DOCK3: variants seen among roughly 807,000 people sequenced by gnomAD.
The protein encoded by DOCK3 is dedicator of cytokinesis 3, also known as dedicator of cytokinesis protein 3.
A neutral mutation model predicts 265.6 loss-of-function variants in DOCK3; 60 were observed. That is an observed-to-expected ratio of 0.23 (90% CI 0.18 to 0.28). The LOEUF is 0.28. DOCK3 is among the 10% of genes least tolerant of loss of function. The pLI, the probability that DOCK3 is intolerant of heterozygous loss-of-function variation, is 1.00. For missense variants in DOCK3, 1,981 were observed against 2,594.3 expected (o/e 0.76, Z 5.14); for synonymous variants, 881 against 938.0 (o/e 0.94, Z 1.11).
At chr3:50,760,786 T>C (rs2040479439) in intron 1 of DOCK3, among the ~76,000 whole-genome samples, 1 of 152,112 alleles carries the variant, frequency 6.6e-6, no homozygotes, top group African/African-American at 2.4e-5. Flanking sequence ...TGGATTCTTT[T>C]TTTTTTTTTC....
chr3:50,924,389 TG>T (rs2050657714), intron 4 of DOCK3, among the ~76,000 whole-genome samples: 1 of 152,262 alleles, frequency 6.6e-6, no homozygotes, highest in Admixed American at 6.5e-5. Context: ...TACAGTCTGT[TG>T]CTCTGGATGA....
chr3:51,117,629 C>T (rs1029196902), intron 9 of DOCK3, among the ~76,000 whole-genome samples: 1 of 152,138 alleles, frequency 6.6e-6, no homozygotes, highest in Non-Finnish European at 1.5e-5. Context: ...TTAATTACTG[C>T]CTCCATTTCA....
intron 6 of DOCK3, among the ~76,000 whole-genome samples, chr3:51,069,734 C>G (rs2081771403): frequency 6.6e-6 from 1 of 152,074 alleles, no homozygotes; most frequent in Non-Finnish European, 1.5e-5. Context: ...TAGTTTATGT[C>G]TCTCATCAAG....
At chr3:50,803,042 T>TTTTATGTA (rs1184908919) in intron 2 of DOCK3, among the ~76,000 whole-genome samples, 2 of 147,080 alleles carry the variant, frequency 1.4e-5, no homozygotes, top group Non-Finnish European at 3.0e-5. Context: ...TTTTTTAAGA[T>TTTTATGTA]TTTATGTATT....
intron 7 of DOCK3, among the ~76,000 whole-genome samples, chr3:51,078,163 A>G (rs768230797): frequency 1.3e-5 from 2 of 152,214 alleles, no homozygotes; most frequent in Non-Finnish European, 2.9e-5. Flanking sequence ...GAAAATGGTG[A>G]TTGCTGTCTG....
chr3:51,217,244 C>T (rs1172997275), intron 14 of DOCK3, among the ~76,000 whole-genome samples: 1 of 151,818 alleles, frequency 6.6e-6, no homozygotes, highest in Non-Finnish European at 1.5e-5. Context: ...GCTCTAGCCA[C>T]ACCAGTAGCT....
chr3:51,144,341 A>C (rs1415131813), intron 9 of DOCK3, among the ~76,000 whole-genome samples: 2 of 152,170 alleles, frequency 1.3e-5, no homozygotes, highest in Non-Finnish European at 1.5e-5. Flanking sequence ...TGCCAGAATC[A>C]CCAGTGATCT....
intron 3 of DOCK3, among the ~76,000 whole-genome samples, chr3:50,883,773 C>T (rs1006855928): frequency 2.0e-5 from 3 of 152,132 alleles, no homozygotes; most frequent in Admixed American, 2.0e-4. Context: ...ATAACGTTTA[C>T]CATGAGTGAC....
At chr3:50,859,676 G>A (rs1468089008) in intron 3 of DOCK3, among the ~76,000 whole-genome samples, 1 of 152,094 alleles carries the variant, frequency 6.6e-6, no homozygotes, top group Admixed American at 6.5e-5. Flanking sequence ...TTGTGTGGGG[G>A]TTTTATTTGA....
intron 1 of DOCK3, among the ~76,000 whole-genome samples, chr3:50,729,396 TTTA>T (rs1425325315): frequency 6.0e-5 from 9 of 150,312 alleles, no homozygotes; most frequent in African/African-American, 2.2e-4. Context: ...ATTTATTTAT[TTTA>T]TTATTATACT....
At chr3:51,193,214 A>T (rs2088057200) in intron 12 of DOCK3, among the ~76,000 whole-genome samples, 1 of 152,164 alleles carries the variant, frequency 6.6e-6, no homozygotes, top group Non-Finnish European at 1.5e-5. Context: ...TTGATGTATC[A>T]TGTTTATTGA....
At chr3:51,041,093 A>AT (rs200535205) in intron 5 of DOCK3, among the ~76,000 whole-genome samples, 2,903 of 138,590 alleles carry the variant, frequency 0.021, 106 homozygotes, top group African/African-American at 0.073. Context: ...TTTCTAGAAG[A>AT]TTTTCAATTT....
At chr3:51,093,483 A>C (rs2082713093) in intron 9 of DOCK3, among the ~76,000 whole-genome samples, 1 of 152,194 alleles carries the variant, frequency 6.6e-6, no homozygotes, top group African/African-American at 2.4e-5. Context: ...CTCTCTGCTC[A>C]TCTATTATTG....
chr3:50,922,560 C>T (rs1328262842), intron 4 of DOCK3, among the ~76,000 whole-genome samples: 1 of 152,188 alleles, frequency 6.6e-6, no homozygotes, highest in Non-Finnish European at 1.5e-5. Context: ...TGACAAGCCC[C>T]AGTGAGATGA....
intron 4 of DOCK3, among the ~76,000 whole-genome samples, chr3:50,900,557 CT>C (rs2049135641): frequency 6.6e-6 from 1 of 152,158 alleles, no homozygotes; most frequent in South Asian, 2.1e-4. Context: ...AAGAGGCATT[CT>C]GATTTTTGGA....
At chr3:51,082,921 G>A (rs962385730) in intron 7 of DOCK3, among the ~76,000 whole-genome samples, 1 of 152,112 alleles carries the variant, frequency 6.6e-6, no homozygotes, top group Non-Finnish European at 1.5e-5. Flanking sequence ...TGTACTAAGG[G>A]ACCTGAGAGG....
At chr3:51,120,837 G>T (rs1302914130) in intron 9 of DOCK3, among the ~76,000 whole-genome samples, 1 of 152,160 alleles carries the variant, frequency 6.6e-6, no homozygotes, top group Non-Finnish European at 1.5e-5. Flanking sequence ...GAGCATCCCA[G>T]GTTGACTTCA....
At chr3:51,169,046 A>G (rs998490656) in intron 12 of DOCK3, among the ~76,000 whole-genome samples, 1 of 152,240 alleles carries the variant, frequency 6.6e-6, no homozygotes, top group Admixed American at 6.5e-5. Flanking sequence ...ATACCATCTC[A>G]CACCAGTCAG....
At chr3:50,924,387 G>A (rs1468029303) in intron 4 of DOCK3, among the ~76,000 whole-genome samples, 1 of 152,210 alleles carries the variant, frequency 6.6e-6, no homozygotes, top group Non-Finnish European at 1.5e-5. Context: ...TATACAGTCT[G>A]TTGCTCTGGA....
Sources: allele counts gnomAD v4.1 joint callset (sites outside exome capture counted in the v4.1 genomes callset), GRCh38; gene constraint gnomAD v4.1.1; transcripts MANE v1.5; gene names NCBI Gene and HGNC (gene_info 2026-07-23, HGNC 2026-07-21).